NCAM2: variants seen among roughly 807,000 people sequenced by gnomAD.
NCAM2 encodes neural cell adhesion molecule 2, also known as N-CAM-2.
In NCAM2, 30 loss-of-function variants were observed where a neutral mutation model predicts 98.1. The ratio of observed to expected loss-of-function variants is 0.31; its 90% confidence interval spans 0.23 to 0.41. The LOEUF is 0.41. Ranked by LOEUF, NCAM2 falls within the 10% of genes least tolerant of loss-of-function variation. NCAM2 has a pLI of 1.00. For synonymous variants in NCAM2, 368 were observed against 342.4 expected (o/e 1.07, Z -0.83); for missense variants, 867 against 1,005.8 (o/e 0.86, Z 1.87).
chr21:21,487,160 TAA>T (rs767415781), intron 15 of NCAM2, among the ~76,000 whole-genome samples: 7 of 152,186 alleles, frequency 4.6e-5, no homozygotes, highest in African/African-American at 1.4e-4. Flanking sequence ...TAGGATTTTT[TAA>T]AAGTTTTAAT....
At chr21:21,046,974 G>A (rs1398944374) in intron 1 of NCAM2, among the ~76,000 whole-genome samples, 1 of 151,948 alleles carries the variant, frequency 6.6e-6, no homozygotes, top group African/African-American at 2.4e-5. Flanking sequence ...TCCCTAATTG[G>A]TACATCTCCT....
At chr21:21,079,958 A>C (rs187779846) in intron 1 of NCAM2, among the ~76,000 whole-genome samples, 19 of 152,304 alleles carry the variant, frequency 1.2e-4, no homozygotes, top group Admixed American at 3.3e-4. Flanking sequence ...GCCTGGAACA[A>C]TCATGCTTTT....
At chr21:21,168,898 A>G (rs969932843) in intron 1 of NCAM2, among the ~76,000 whole-genome samples, 2 of 152,208 alleles carry the variant, frequency 1.3e-5, no homozygotes, top group Non-Finnish European at 2.9e-5. Context: ...CATAATCTCA[A>G]TAAAATCTTA....
intron 7 of NCAM2, among the ~76,000 whole-genome samples, chr21:21,337,308 CATGTT>C (rs71926232): frequency 0.17 from 25,920 of 151,832 alleles, 2,557 homozygotes; most frequent in East Asian, 0.25. Context: ...GAAAATTTTA[CATGTT>C]ATGTTATTGT....
intron 1 of NCAM2, among the ~76,000 whole-genome samples, chr21:21,065,889 T>C (rs999929092): frequency 6.6e-5 from 10 of 152,320 alleles, no homozygotes; most frequent in Non-Finnish European, 1.5e-4. Flanking sequence ...TTTAATTCAC[T>C]AACTCTTAGC....
intron 17 of NCAM2, among the ~76,000 whole-genome samples, chr21:21,536,382 A>G (rs1989982050): frequency 6.7e-6 from 1 of 148,290 alleles, no homozygotes; most frequent in African/African-American, 2.5e-5. Flanking sequence ...GGATTGGAAT[A>G]CTATTTCTTT....
chr21:21,452,746 A>T (rs1222923855), intron 12 of NCAM2, among the ~76,000 whole-genome samples: 10 of 108,050 alleles, frequency 9.3e-5, no homozygotes, highest in African/African-American at 3.8e-4. Flanking sequence ...TATATATAAT[A>T]TATAATATAT....
At chr21:21,067,228 A>T (rs1404551301) in intron 1 of NCAM2, among the ~76,000 whole-genome samples, 2 of 151,970 alleles carry the variant, frequency 1.3e-5, no homozygotes, top group Non-Finnish European at 2.9e-5. Context: ...TAAAGCTGGC[A>T]TGAGAGAGAG....
At chr21:21,011,154 G>GTT (rs59456952) in intron 1 of NCAM2, among the ~76,000 whole-genome samples, 4,559 of 150,542 alleles carry the variant, frequency 0.03, 92 homozygotes, top group African/African-American at 0.064. Context: ...ACTCTGCAGG[G>GTT]TTTTTTTTTC....
intron 15 of NCAM2, among the ~76,000 whole-genome samples, chr21:21,489,312 T>A (rs964227848): frequency 8.5e-4 from 129 of 152,216 alleles, no homozygotes; most frequent in Middle Eastern, 6.8e-3. Context: ...TTCACTTTTT[T>A]AAAATTTATT....
chr21:21,176,387 A>C (rs925092149), intron 1 of NCAM2, among the ~76,000 whole-genome samples: 3 of 152,172 alleles, frequency 2.0e-5, no homozygotes, highest in African/African-American at 4.8e-5. Context: ...TAGTTGAAAT[A>C]TCCTCCTAAT....
At chr21:21,429,109 A>G (rs1000089) in intron 11 of NCAM2, among the ~76,000 whole-genome samples, 13,882 of 152,214 alleles carry the variant, frequency 0.091, 756 homozygotes, top group East Asian at 0.15. Flanking sequence ...AAAAGAAGTA[A>G]TAGAAATAAG....
At chr21:21,045,144 A>G (rs937335421) in intron 1 of NCAM2, among the ~76,000 whole-genome samples, 1 of 152,188 alleles carries the variant, frequency 6.6e-6, no homozygotes, top group Non-Finnish European at 1.5e-5. Context: ...TAAAACTGTT[A>G]ACAGACATTA....
chr21:21,099,038 C>G (rs1377185141), intron 1 of NCAM2, among the ~76,000 whole-genome samples: 1 of 151,818 alleles, frequency 6.6e-6, no homozygotes, highest in African/African-American at 2.4e-5. Context: ...AATTTATTCA[C>G]TTGTGTGTCA....
rs771342226 is a variant in NCAM2 at position 21,280,575 on chromosome 21, C to G, written c.56-3C>G. The stretch of plus-strand genomic sequence containing the variant: ...CATTAATTGTTTCCCAATTTTTTTT[C>G]AGCTCTTCTTCAAGTGACAATTTCA... On this transcript the variant is annotated splice_polypyrimidine_tract_variant and splice_region_variant and intron_variant, in intron 1 of 17. Transcript: ENST00000400546. 1 of 1,578,360 alleles carries G rather than the reference C, an allele frequency of 6.3e-7. No homozygotes were observed.
At chr21:21,032,571 C>A (rs2064707642) in intron 1 of NCAM2, among the ~76,000 whole-genome samples, 2 of 152,200 alleles carry the variant, frequency 1.3e-5, no homozygotes, top group South Asian at 2.1e-4. Context: ...GTTGACTAAG[C>A]AAATCAAAAT....
At chr21:21,210,695 A>C in intron 1 of NCAM2, 2 of 1,217,740 alleles carry the variant, frequency 1.6e-6, no homozygotes, top group Non-Finnish European at 2.1e-6. Context: ...AGGACAGGTC[A>C]GCTGGACCAT....
intron 1 of NCAM2, among the ~76,000 whole-genome samples, chr21:21,050,094 A>T (rs912521083): frequency 6.6e-6 from 1 of 151,602 alleles, no homozygotes; most frequent in Non-Finnish European, 1.5e-5. Context: ...ACTTTGCAAA[A>T]TTTGAATGTT....
chr21:21,077,398 G>A (rs1207030097), intron 1 of NCAM2, among the ~76,000 whole-genome samples: 1 of 152,072 alleles, frequency 6.6e-6, no homozygotes, highest in Non-Finnish European at 1.5e-5. Context: ...ATAATTGAAG[G>A]ATTATTGAGA....
Sources: gnomAD v4.1 joint callset for allele counts (sites outside exome capture counted in the v4.1 genomes callset) on GRCh38, gnomAD v4.1.1 for gene constraint, MANE v1.5 for transcripts, NCBI Gene and HGNC (gene_info 2026-07-23, HGNC 2026-07-21) for gene names.